ERAP1: variants seen among roughly 807,000 people sequenced by gnomAD.
ERAP1 encodes the protein adipocyte-derived leucine aminopeptidase.
ERAP1 carries 86 observed loss-of-function variants against 103.7 expected under a neutral mutation model. The observed-to-expected ratio is 0.83, with a 90% CI of 0.70 to 0.99. ERAP1 has a LOEUF of 0.99. Among genes scored for constraint, ERAP1 ranks in the 50% least tolerant of loss-of-function variants. ERAP1 has a pLI of 0.00. For missense variants in ERAP1, 1,009 were observed against 1,128.4 expected, an observed-to-expected ratio of 0.89 and a Z score of 1.52; for synonymous variants, 398 against 402.4, an observed-to-expected ratio of 0.99 and a Z score of 0.13.
At chr5:96,781,331 A>G in intron 16 of ERAP1, 133 bp from the exon 17 acceptor site, 1 of 880,328 alleles carries the variant, frequency 1.1e-6, no homozygotes, top group South Asian at 1.6e-5. Flanking sequence ...ATGGGTAACC[A>G]CAATCCTGAT....
chr5:96,933,304 G>A, the ERAP1 span, among the ~76,000 whole-genome samples: 23 of 132,524 alleles, frequency 1.7e-4, no homozygotes, highest in African/African-American at 6.6e-4. Flanking sequence ...CACAACCTCC[G>A]CCTCCCGGGT....
At chr5:96,809,539 A>G (rs1442575943), upstream of ERAP1, among the ~76,000 whole-genome samples, 1 of 152,172 alleles carries the variant, frequency 6.6e-6, no homozygotes, top group Non-Finnish European at 1.5e-5. Flanking sequence ...TTTTAAAAAT[A>G]TAATGTTTCA....
intron 12 of ERAP1, 144 bp downstream of exon 12, chr5:96,786,326 G>C (rs1775988707): frequency 1.5e-6 from 1 of 663,106 alleles, no homozygotes; most frequent in Non-Finnish European, 2.7e-6. Context: ...CAAGATATTG[G>C]CCATTCTTCT....
the ERAP1 span, among the ~76,000 whole-genome samples, chr5:96,907,490 T>G: frequency 1.3e-5 from 2 of 152,236 alleles, no homozygotes; most frequent in East Asian, 3.8e-4. Flanking sequence ...ATATCATTTC[T>G]GCCTATTGCT....
Position 96,785,845 on chromosome 5 carries a change from G to A in ERAP1, c.1886C>T (p.Thr629Ile). 6.2e-7 allele frequency: 1 copy of A among 1,614,070 alleles called. No individual in the cohort carries two copies. Among genetic ancestry groups the A allele is most frequent in the Non-Finnish European group, 8.5e-7 (1 of 1,179,956 alleles). Reference protein sequence around the residue: ...SLTGLLKGTHTAVSSNDRASL... With the variant: ...SLTGLLKGTHIAVSSNDRASL... ...CGCCCGATCATTACTGCTGACTGCT[G>A]TGTGTGTTCCTTTTAAAAGGCCAGT... The change falls in exon 13 of 19, where the codon ACA becomes ATA. Residue 629 changes from threonine (T) to isoleucine (I), a missense_variant. This residue lies in a region of ERAP1 where 611 missense variants were observed against 651.7 expected (regional missense o/e 0.94). Transcript: ENST00000443439.
the ERAP1 span, among the ~76,000 whole-genome samples, chr5:96,890,455 T>C: frequency 3.3e-5 from 5 of 152,198 alleles, no homozygotes; most frequent in African/African-American, 1.2e-4. Flanking sequence ...CAGCCCAGTT[T>C]CTAATAGGCC....
chr5:96,791,692 C>T (rs182204995), intron 8 of ERAP1, among the ~76,000 whole-genome samples: 76 of 152,308 alleles, frequency 5.0e-4, no homozygotes, highest in African/African-American at 1.7e-3. Flanking sequence ...CAATTATTTG[C>T]GTCTCAACAA....
At chr5:96,761,536 A>G (rs1332704567) in exon 20 of ERAP1, 1 of 152,284 alleles carries the variant, frequency 6.6e-6, no homozygotes, top group Non-Finnish European at 1.5e-5. Context: ...AAAATTTGCA[A>G]TTCTCCTTTT....
chr5:96,787,002 A>T (rs1776098070), intron 11 of ERAP1, among the ~76,000 whole-genome samples: 1 of 152,194 alleles, frequency 6.6e-6, no homozygotes, highest in South Asian at 2.1e-4. Flanking sequence ...CTCTTCAAAA[A>T]ATGTCAATAT....
the ERAP1 span, among the ~76,000 whole-genome samples, chr5:96,815,418 T>TTTTG: frequency 3.6e-4 from 53 of 148,224 alleles, 1 homozygote; most frequent in African/African-American, 1.1e-3. Flanking sequence ...TTTTTTATTT[T>TTTTG]TTTTTTTTTT....
intron 7 of ERAP1, among the ~76,000 whole-genome samples, chr5:96,793,168 G>A (rs867676243): frequency 2.0e-5 from 3 of 152,028 alleles, no homozygotes; most frequent in African/African-American, 7.2e-5. Flanking sequence ...ATATAAAATC[G>A]GACAATTTAC....
At chr5:96,789,026 A>G (rs992788241) in intron 10 of ERAP1, among the ~76,000 whole-genome samples, 1 of 152,192 alleles carries the variant, frequency 6.6e-6, no homozygotes, top group Non-Finnish European at 1.5e-5. Flanking sequence ...CAGGTTTTCA[A>G]TACCTACCTA....
the ERAP1 span, among the ~76,000 whole-genome samples, chr5:96,818,949 G>C: frequency 7.2e-6 from 1 of 138,380 alleles, no homozygotes; most frequent in African/African-American, 2.7e-5. Flanking sequence ...TTTTTGAGAC[G>C]GCGTCTCGCT....
chr5:96,806,544 G>A (rs894823282), intron 1 of ERAP1, among the ~76,000 whole-genome samples: 3 of 151,498 alleles, frequency 2.0e-5, no homozygotes. Flanking sequence ...ACTTTGCTAA[G>A]TTCACACAAC....
chr5:96,822,368 A>T, the ERAP1 span, among the ~76,000 whole-genome samples: 1 of 152,236 alleles, frequency 6.6e-6, no homozygotes, highest in African/African-American at 2.4e-5. Context: ...AGATTTAAGA[A>T]GAAGGGCAAC....
the ERAP1 span, chr5:96,883,801 A>G: frequency 1.2e-6 from 2 of 1,610,532 alleles, no homozygotes; most frequent in South Asian, 1.1e-5. Context: ...GAATTCTTGC[A>G]GTAACAGATT....
At chr5:96,872,529 G>A in the ERAP1 span, among the ~76,000 whole-genome samples, 3 of 152,228 alleles carry the variant, frequency 2.0e-5, no homozygotes, top group Middle Eastern at 3.4e-3. Context: ...AGCCCAGGAG[G>A]TTGAGGCTCC....
At position 96,783,235 on chromosome 5, in the gene ERAP1, C is replaced by A. The variant is rs1348774695; in HGVS notation, c.2101G>T (p.Ala701Ser). 3 of 1,609,562 alleles carry A rather than the reference C, an allele frequency of 1.9e-6. No individual in the cohort carries two copies. Among genetic ancestry groups the A allele is most frequent in the Non-Finnish European group, 2.6e-6 (3 of 1,176,340 alleles). ...DMNEVETQFK[A>S]FLIRLLRDLI... ...TCCCTTAGCAGCCTGATGAGGAAGGCCTGAGGGCGTTGTACAGGGAAACAG... is the reference window on the plus strand; with the variant it reads ...TCCCTTAGCAGCCTGATGAGGAAGGACTGAGGGCGTTGTACAGGGAAACAG... Residue 701 changes from alanine (A) to serine (S), a missense_variant and splice_region_variant, in exon 15 of 19, where the codon GCC (alanine) becomes TCC (serine). Ala to Ser is a moderately conservative substitution (Grantham distance 99). Transcript: ENST00000443439.
the ERAP1 span, among the ~76,000 whole-genome samples, chr5:96,882,009 T>C: frequency 3.9e-5 from 6 of 152,166 alleles, no homozygotes; most frequent in Non-Finnish European, 7.4e-5. Flanking sequence ...CTGTGTCTAC[T>C]ACATCCTGCT....
Sources: allele counts gnomAD v4.1 joint callset (sites outside exome capture counted in the v4.1 genomes callset), GRCh38; gene constraint gnomAD v4.1.1; regional missense constraint gnomAD v4.1.1; transcripts MANE v1.5; gene names NCBI Gene and HGNC (gene_info 2026-07-23, HGNC 2026-07-21).